SPON1: variants seen among roughly 807,000 people sequenced by gnomAD.
SPON1 encodes spondin-1.
In SPON1, 52 loss-of-function variants were observed where a neutral mutation model predicts 111.7. The ratio of observed to expected loss-of-function variants is 0.47; its 90% CI spans 0.37 to 0.59. The LOEUF is 0.59. Among genes scored for constraint, SPON1 ranks in the 20% least tolerant of loss-of-function variants. SPON1 has a pLI of 0.00. For missense variants in SPON1, 957 were observed against 1,068.5 expected (o/e 0.90, Z 1.46); for synonymous variants, 410 against 395.8 (o/e 1.04, Z -0.43).
chr11:14,210,246 G>A (rs1848561116), intron 6 of SPON1, among the ~76,000 whole-genome samples: 1 of 152,114 alleles, frequency 6.6e-6, no homozygotes, highest in East Asian at 1.9e-4. Flanking sequence ...CTTTTGCTGT[G>A]CAGAAGCTCT....
intron 2 of SPON1, among the ~76,000 whole-genome samples, chr11:14,029,219 G>A (rs1287613303): frequency 6.6e-6 from 1 of 152,106 alleles, no homozygotes; most frequent in African/African-American, 2.4e-5. Flanking sequence ...GGATTTAGGT[G>A]CAGGCCAGCT....
intron 3 of SPON1, among the ~76,000 whole-genome samples, chr11:14,070,128 A>G (rs1554920759): frequency 1.3e-5 from 2 of 152,222 alleles, no homozygotes; most frequent in South Asian, 2.1e-4. Context: ...TTATCATTGC[A>G]GTGACTTCAA....
chr11:14,245,146 G>A (rs941838504), intron 7 of SPON1, among the ~76,000 whole-genome samples: 37 of 152,324 alleles, frequency 2.4e-4, no homozygotes, highest in African/African-American at 8.4e-4. Flanking sequence ...AGGATAGGAA[G>A]GGAGGAAAGT....
intron 5 of SPON1, among the ~76,000 whole-genome samples, chr11:14,106,162 A>G (rs1554924897): frequency 6.6e-6 from 1 of 152,206 alleles, no homozygotes; most frequent in African/African-American, 2.4e-5. Context: ...TGTGATTAAC[A>G]TTTAAGCACG....
At chr11:14,214,360 A>G (rs1564932604) in intron 6 of SPON1, among the ~76,000 whole-genome samples, 1 of 152,166 alleles carries the variant, frequency 6.6e-6, no homozygotes. Flanking sequence ...ATGCTTCAGA[A>G]TAAAAACATG....
intron 1 of SPON1, among the ~76,000 whole-genome samples, chr11:13,964,781 C>T (rs1181584572): frequency 1.3e-5 from 2 of 152,168 alleles, no homozygotes; most frequent in Non-Finnish European, 2.9e-5. Flanking sequence ...GGCCGATCCT[C>T]CCTGTGGACC....
intron 6 of SPON1, among the ~76,000 whole-genome samples, chr11:14,211,644 T>C (rs1318424096): frequency 4.6e-5 from 7 of 152,230 alleles, no homozygotes; most frequent in Admixed American, 3.9e-4. Context: ...TATATTATTA[T>C]ACGTGTAGTT....
intron 3 of SPON1, among the ~76,000 whole-genome samples, chr11:14,065,125 A>G (rs1239487869): frequency 1.3e-5 from 2 of 152,112 alleles, no homozygotes; most frequent in Non-Finnish European, 2.9e-5. Flanking sequence ...AGCCAGTTCT[A>G]CTACTCTACA....
chr11:14,091,387 C>T (rs955822302), intron 5 of SPON1, among the ~76,000 whole-genome samples: 2 of 152,150 alleles, frequency 1.3e-5, no homozygotes, highest in South Asian at 2.1e-4. Flanking sequence ...GGGTGGTGCT[C>T]GTTGGGGAGG....
intron 13 of SPON1, 100 bp from the exon 14 acceptor site, chr11:14,260,488 G>A: frequency 7.5e-7 from 1 of 1,338,330 alleles, no homozygotes. Flanking sequence ...TTATTCCAGG[G>A]GCCAAAGCAG....
At chr11:14,105,663 T>C (rs931396381) in intron 5 of SPON1, among the ~76,000 whole-genome samples, 2 of 152,144 alleles carry the variant, frequency 1.3e-5, no homozygotes, top group Non-Finnish European at 2.9e-5. Flanking sequence ...CAGTCATTTA[T>C]TCCCCTTTAC....
chr11:13,990,110 T>G (rs1184417896), intron 2 of SPON1, among the ~76,000 whole-genome samples: 1 of 152,164 alleles, frequency 6.6e-6, no homozygotes, highest in Non-Finnish European at 1.5e-5. Flanking sequence ...TTGTTAATTT[T>G]CTATCTCATT....
chr11:14,143,362 G>C (rs1412518412), intron 6 of SPON1, among the ~76,000 whole-genome samples: 3 of 152,148 alleles, frequency 2.0e-5, no homozygotes, highest in African/African-American at 7.2e-5. Flanking sequence ...AGGAGTTCAA[G>C]ACCAGCCTGG....
intron 6 of SPON1, among the ~76,000 whole-genome samples, chr11:14,159,523 C>T (rs1847886168): frequency 6.6e-6 from 1 of 152,036 alleles, no homozygotes; most frequent in African/African-American, 2.4e-5. Context: ...TTCAGCAATC[C>T]CACTGCTGGG....
At position 14,259,849 on chromosome 11, in the gene SPON1, TGA is replaced by T. The variant is rs1849153248; in HGVS notation, c.1831+153_1831+154del. The T allele has an allele frequency of 6.9e-6, 6 of 867,406 alleles. No individual in the cohort carries two copies. The highest frequency in any genetic ancestry group is 2.8e-5 in the Admixed American group (1 of 35,966). The allele number at this position is 867,406 out of a possible 1,614,324, so 53.7% of individuals were successfully genotyped here. A position where few individuals can be genotyped will look rare whatever the true frequency, so the allele number is the denominator to read the frequency against. The stretch of plus-strand genomic sequence containing the variant: ...TTGCTGGGCACTGCTGGGAGCCAGA[TGA>T]GAGACATAGGTGTGTAGACATCAAC... On this transcript the variant is annotated intron_variant, in intron 13 of 15. Transcript: ENST00000576479. The surrounding 1 kb of genome is among the most constrained non-coding windows in gnomAD (Gnocchi z 5.0).
At position 14,265,670 on chromosome 11, in the gene SPON1, A is replaced by C; in HGVS notation, c.2407A>C (p.Asn803His). 1.2e-6 allele frequency: 2 copies of C among 1,613,576 alleles called. No individual in the cohort carries two copies. ...AGACAAGAAGGAGATCAGAGCATGC[A>C]ATGTTCATCCTTGTTAGCAAGGGTA... Reference protein sequence around the residue: ...CKDKKEIRACNVHPC With the variant: ...CKDKKEIRACHVHPC Residue 803 changes from asparagine (N) to histidine (H), a missense_variant, in exon 16 of 16, where the codon AAT (asparagine) becomes CAT (histidine). Physicochemically the swap from Asn to His is moderately conservative, Grantham distance 68 (BLOSUM62 1). Around this residue, in one of 5 missense-constraint regions of SPON1, gnomAD observed 549 missense variants for 606.2 expected, o/e 0.91. Transcript: ENST00000576479.
At chr11:14,188,131 C>T (rs1296558086) in intron 6 of SPON1, among the ~76,000 whole-genome samples, 1 of 152,116 alleles carries the variant, frequency 6.6e-6, no homozygotes, top group Non-Finnish European at 1.5e-5. Context: ...TGGTCTCAAA[C>T]TCCTGACCTC....
intron 5 of SPON1, among the ~76,000 whole-genome samples, chr11:14,085,413 C>T (rs1395425683): frequency 1.3e-5 from 2 of 152,116 alleles, no homozygotes. Context: ...AATCCTTTCC[C>T]CACTGCTTTT....
At chr11:14,070,590 T>G (rs1848867813) in intron 3 of SPON1, among the ~76,000 whole-genome samples, 1 of 152,242 alleles carries the variant, frequency 6.6e-6, no homozygotes, top group Admixed American at 6.5e-5. Context: ...GGAACTTACA[T>G]GAATTGTCTC....
Sources: allele counts gnomAD v4.1 joint callset (sites outside exome capture counted in the v4.1 genomes callset), GRCh38; gene constraint gnomAD v4.1.1; regional missense constraint gnomAD v4.1.1; non-coding constraint Gnocchi (gnomAD v3.1); transcripts MANE v1.5; gene names NCBI Gene and HGNC (gene_info 2026-07-23, HGNC 2026-07-21).